Variants in MMP26 observed in about 807,000 individuals in gnomAD.
MMP26 encodes the protein matrix metalloproteinase-26.
MMP26 carries 33 observed loss-of-function variants against 31.0 expected under a neutral mutation model. The ratio of observed to expected loss-of-function variants is 1.06; its 90% CI spans 0.81 to 1.42. The LOEUF (loss-of-function observed/expected upper bound fraction) is 1.42. MMP26 is among the 40% of genes most tolerant of loss of function. MMP26 has a pLI of 0.00. For synonymous variants in MMP26, 122 were observed against 114.9 expected, an observed-to-expected ratio of 1.06 and a Z score of -0.40; for missense variants, 347 against 316.1, an observed-to-expected ratio of 1.10 and a Z score of -0.74.
At position 4,801,862 on chromosome 11, in the gene MMP26, C is replaced by T. The variant is rs1056161778; in HGVS notation, c.-145+34521C>T. ...TTAGGACTCTTTTAAATAACCGGATCTCGCATGATCTAACTGAGAAAGAAC... is the reference window on the plus strand; with the variant it reads ...TTAGGACTCTTTTAAATAACCGGATTTCGCATGATCTAACTGAGAAAGAAC... On this transcript the variant is annotated intron_variant, in intron 2 of 7. Transcript: ENST00000380390. Among the ~76,000 whole-genome samples, 5 of 151,906 alleles carry T rather than the reference C, an allele frequency of 3.3e-5. No homozygotes were observed. In the East Asian group the frequency reaches 7.8e-4, roughly 24 times the overall value.
chr11:4,807,619 G>T (rs1381559040), intron 2 of MMP26, among the ~76,000 whole-genome samples: 1 of 151,200 alleles, frequency 6.6e-6, no homozygotes. Flanking sequence ...GGCCTGTCTG[G>T]GGGTGGGGGG....
intron 2 of MMP26, among the ~76,000 whole-genome samples, chr11:4,789,302 T>A (rs1848989163): frequency 6.6e-6 from 1 of 152,156 alleles, no homozygotes; most frequent in Non-Finnish European, 1.5e-5. Flanking sequence ...TACATTTTAT[T>A]GTAATTAAAT....
intron 2 of MMP26, among the ~76,000 whole-genome samples, chr11:4,976,968 T>C (rs1474540684): frequency 6.6e-6 from 1 of 152,088 alleles, no homozygotes; most frequent in East Asian, 1.9e-4. Flanking sequence ...AATTTTTATC[T>C]TATAAAATGA....
chr11:4,919,986 A>G (rs1401963197), intron 2 of MMP26, among the ~76,000 whole-genome samples: 2 of 152,118 alleles, frequency 1.3e-5, no homozygotes, highest in East Asian at 1.9e-4. Context: ...CTTGGGGGTG[A>G]GATGAGCCCC....
At chr11:4,728,221 T>G (rs895360388) in intron 1 of MMP26, among the ~76,000 whole-genome samples, 1 of 152,228 alleles carries the variant, frequency 6.6e-6, no homozygotes, top group Non-Finnish European at 1.5e-5. Context: ...GGGAAATGGT[T>G]CCTTGTTAAA....
chr11:4,778,032 G>C (rs536787318), intron 2 of MMP26, among the ~76,000 whole-genome samples: 6 of 152,144 alleles, frequency 3.9e-5, no homozygotes, highest in African/African-American at 1.4e-4. Flanking sequence ...TGGCCAAAAA[G>C]TTTTCCACAG....
chr11:4,889,474 A>G (rs1407011764), intron 2 of MMP26: 1 of 152,214 alleles, frequency 6.6e-6, no homozygotes, highest in East Asian at 1.9e-4. Flanking sequence ...TATGGGTAAG[A>G]AAGGCCAACT....
At chr11:4,903,861 A>G (rs184914857) in intron 2 of MMP26, 46 of 152,224 alleles carry the variant, frequency 3.0e-4, no homozygotes, top group African/African-American at 1.1e-3. Flanking sequence ...TAAACTGCTT[A>G]TATCTGAATA....
chr11:4,937,367 G>C (rs1846135902), intron 2 of MMP26: 1 of 152,084 alleles, frequency 6.6e-6, no homozygotes, highest in Admixed American at 6.6e-5. Flanking sequence ...CTTACTTTTG[G>C]ACAAAGTTTC....
intron 2 of MMP26, among the ~76,000 whole-genome samples, chr11:4,818,721 G>A (rs1476364342): frequency 1.3e-5 from 2 of 152,042 alleles, no homozygotes; most frequent in Non-Finnish European, 2.9e-5. Context: ...ATGTGGTATT[G>A]TCATTGTTAT....
At chr11:4,945,452 T>C (rs1175420487) in intron 2 of MMP26, 1 of 152,718 alleles carries the variant, frequency 6.5e-6, no homozygotes, top group East Asian at 1.9e-4. Flanking sequence ...TGTTCCTTAT[T>C]GATTTAACTG....
At chr11:4,958,465 G>A (rs1417275769) in intron 2 of MMP26, among the ~76,000 whole-genome samples, 1 of 151,960 alleles carries the variant, frequency 6.6e-6, no homozygotes, top group Non-Finnish European at 1.5e-5. Flanking sequence ...TTCTATTGTT[G>A]ATTCTTTCCT....
intron 2 of MMP26, chr11:4,882,940 GTCTTA>G: frequency 7.1e-7 from 1 of 1,404,256 alleles, no homozygotes; most frequent in East Asian, 2.3e-5. Context: ...ACTTGGGGCA[GTCTTA>G]TCCACAGGTG....
chr11:4,946,620 A>AG (rs1443303142), intron 2 of MMP26: 1 of 1,570,286 alleles, frequency 6.4e-7, no homozygotes, highest in Admixed American at 1.7e-5. Flanking sequence ...GTGAAAGGGA[A>AG]GGGAAGAACC....
At chr11:4,708,419 CG>C (rs1370719410) in intron 1 of MMP26, among the ~76,000 whole-genome samples, 1 of 152,104 alleles carries the variant, frequency 6.6e-6, no homozygotes, top group Admixed American at 6.6e-5. Flanking sequence ...TCTTTTCATT[CG>C]GGGGGTTGCA....
chr11:4,961,287 G>A (rs771938883), intron 2 of MMP26, among the ~76,000 whole-genome samples: 2 of 152,188 alleles, frequency 1.3e-5, no homozygotes, highest in African/African-American at 4.8e-5. Flanking sequence ...CAGTAGAAAA[G>A]TCTGTCCTAG....
rs527698305 is a variant in MMP26 at position 4,849,291 on chromosome 11, C to T, written c.-145+81950C>T. ...AATCGCGTGCCAAATTTGCATGAAA[C>T]GTTCCAAAATAGCCTGCATCTTCCC... is the stretch of plus-strand genomic sequence containing the variant. On this transcript the variant is annotated intron_variant, in intron 2 of 7. Transcript: ENST00000380390. 1.6e-5 allele frequency: 23 copies of T among 1,464,880 alleles called. No homozygotes were observed. In the Admixed American group the frequency reaches 2.7e-4, roughly 17 times the overall value. The allele number at this position is 1,464,880 out of a possible 1,614,324, so 90.7% of individuals were successfully genotyped here. A position where few individuals can be genotyped will look rare whatever the true frequency, so the allele number is the denominator to read the frequency against.
rs1313005398 is a variant in MMP26, at chr11:4,803,566, G to T, written c.-145+36225G>T. ...AGCAAACAGGATGTGTACAACTCGG[G>T]GCACATCATGGCCAAAGCGGTAGGT... On this transcript the variant is annotated intron_variant, in intron 2 of 7. Transcript: ENST00000380390. The T allele has an allele frequency of 1.1e-5, 17 of 1,613,948 alleles. No homozygotes were observed. The highest frequency in any genetic ancestry group is 1.4e-5 in the Non-Finnish European group (17 of 1,179,962).
intron 2 of MMP26, chr11:4,860,267 T>C (rs1486897795): frequency 4.2e-6 from 2 of 471,314 alleles, no homozygotes; most frequent in South Asian, 1.5e-5. Flanking sequence ...ATCTGCATGA[T>C]GCATGCATCA....
Sources: gnomAD v4.1 joint callset for allele counts (sites outside exome capture counted in the v4.1 genomes callset) on GRCh38, gnomAD v4.1.1 for gene constraint, MANE v1.5 for transcripts, NCBI Gene and HGNC (gene_info 2026-07-23, HGNC 2026-07-21) for gene names.